The following PGAP4 variants were observed in gnomAD, a reference collection of about 807,000 sequenced individuals.
PGAP4 encodes GPI-N-acetylgalactosamine transferase PGAP4.
A neutral mutation model predicts 28.2 loss-of-function variants in PGAP4; 12 were observed. The ratio of observed to expected loss-of-function variants is 0.42; its 90% CI spans 0.27 to 0.69. The LOEUF (loss-of-function observed/expected upper bound fraction) is 0.69. PGAP4 is among the 30% of genes least tolerant of loss of function. The pLI is 0.22. For missense variants in PGAP4, 425 were observed against 513.5 expected (o/e 0.83, Z 1.67); for synonymous variants, 205 against 211.8 (o/e 0.97, Z 0.28).
At position 101,476,171 on chromosome 9, in the gene PGAP4, C is replaced by T; in HGVS notation, c.922G>A (p.Val308Met). 1.2e-6 allele frequency: 2 copies of T among 1,614,150 alleles called. No homozygotes were observed. The highest frequency in any genetic ancestry group is 1.7e-6 in the Non-Finnish European group (2 of 1,180,026). Residue 308 changes from valine (V) to methionine (M), a missense_variant, in exon 2 of 2, where the codon GTG becomes ATG. Val to Met is a conservative substitution (Grantham distance 21). Transcript: ENST00000374848. The surrounding 1 kb of genome is among the most constrained non-coding windows in gnomAD (Gnocchi z 7.0). Reference protein sequence around the residue: ...SLYSMGLVELVGRHYFLELRR... With the variant: ...SLYSMGLVELMGRHYFLELRR... ...AGTTCCAGGAAATAGTGCCGACCCACCAGCTCCACCAGACCCATGCTATAC... is the reference window on the plus strand; with the variant it reads ...AGTTCCAGGAAATAGTGCCGACCCATCAGCTCCACCAGACCCATGCTATAC...
intron 2 of PGAP4, among the ~76,000 whole-genome samples, chr9:101,520,746 A>G (rs1371924312): frequency 2.6e-5 from 4 of 152,164 alleles, no homozygotes; most frequent in Non-Finnish European, 5.9e-5. Flanking sequence ...TAGGACTTCC[A>G]GTACTATGTT....
At position 101,476,798 on chromosome 9, in the gene PGAP4, G is replaced by A. The variant is rs1015973436; in HGVS notation, c.295C>T (p.Arg99Trp). Residue 99 changes from arginine (R) to tryptophan (W), a missense_variant, in exon 2 of 2, where the codon CGG (arginine) becomes TGG (tryptophan). Coordinates refer to ENST00000374848, the MANE Select transcript of PGAP4 (RefSeq NM_032342.3). This position sits in a 1 kb window ranked among gnomAD's most constrained non-coding sequence, Gnocchi z 7.0. ...SVPIVWQATP[R>W]PWLVITIITV... ...ATGATGGTGATCACCAGCCAGGGCC[G>A]GGGGGTGGCCTGCCAGACAATGGGC... 43 of 1,610,250 alleles carry A rather than the reference G, an allele frequency of 2.7e-5. No homozygotes were observed. Among genetic ancestry groups the A allele is most frequent in the Non-Finnish European group, 3.1e-5 (37 of 1,177,836 alleles).
chr9:101,507,344 C>T (rs1416441481), intron 2 of PGAP4, among the ~76,000 whole-genome samples: 1 of 152,134 alleles, frequency 6.6e-6, no homozygotes, highest in African/African-American at 2.4e-5. Flanking sequence ...ATACTGTTCA[C>T]TATTTGGGAC....
chr9:101,481,985 A>G (rs1826502719), intron 1 of PGAP4, among the ~76,000 whole-genome samples: 1 of 152,122 alleles, frequency 6.6e-6, no homozygotes, highest in African/African-American at 2.4e-5. Context: ...CCTCCAAGCC[A>G]GCTGATTGCA....
At chr9:101,523,561 G>GTT (rs74477694) in intron 2 of PGAP4, among the ~76,000 whole-genome samples, 33,527 of 126,936 alleles carry the variant, frequency 0.26, 4,384 homozygotes, top group African/African-American at 0.35. Flanking sequence ...ATTTTTCATT[G>GTT]TTTTTTTTTC....
At chr9:101,491,182 G>A (rs764759037), upstream of PGAP4, among the ~76,000 whole-genome samples, 2 of 152,104 alleles carry the variant, frequency 1.3e-5, no homozygotes, top group Non-Finnish European at 2.9e-5. Context: ...GCAATGGTAC[G>A]CTTATTCTGT....
chr9:101,513,852 A>G (rs1310733734), intron 2 of PGAP4, among the ~76,000 whole-genome samples: 1 of 152,060 alleles, frequency 6.6e-6, no homozygotes, highest in Non-Finnish European at 1.5e-5. Context: ...AAACCCATAG[A>G]GTAATTCTCA....
At chr9:101,508,552 T>C (rs1302680519) in intron 2 of PGAP4, among the ~76,000 whole-genome samples, 1 of 152,108 alleles carries the variant, frequency 6.6e-6, no homozygotes, top group Non-Finnish European at 1.5e-5. Flanking sequence ...TACTCCACCC[T>C]GTGAGGTCTG....
At chr9:101,492,066 C>A (rs554925337), upstream of PGAP4, among the ~76,000 whole-genome samples, 1 of 151,896 alleles carries the variant, frequency 6.6e-6, no homozygotes, top group African/African-American at 2.4e-5. Context: ...GTCTGTTAAA[C>A]ACATAATTGT....
chr9:101,481,802 C>T (rs1477694649), intron 1 of PGAP4, among the ~76,000 whole-genome samples: 2 of 152,194 alleles, frequency 1.3e-5, no homozygotes, highest in Non-Finnish European at 2.9e-5. Flanking sequence ...ATGAATGGCA[C>T]GACCACTTTC....
chr9:101,493,904 T>C (rs527620728), intron 2 of PGAP4, among the ~76,000 whole-genome samples: 1 of 152,210 alleles, frequency 6.6e-6, no homozygotes, highest in East Asian at 1.9e-4. Context: ...TAGGATCTAG[T>C]TCGGTCTATA....
intron 2 of PGAP4, among the ~76,000 whole-genome samples, chr9:101,492,180 A>G (rs2118574536): frequency 6.6e-6 from 1 of 152,170 alleles, no homozygotes; most frequent in African/African-American, 2.4e-5. Flanking sequence ...TCATTATGAA[A>G]TAACTGTTTC....
intron 2 of PGAP4, among the ~76,000 whole-genome samples, chr9:101,523,833 T>C (rs1350727441): frequency 6.6e-6 from 1 of 151,782 alleles, no homozygotes; most frequent in South Asian, 2.1e-4. Flanking sequence ...TTACCAGGGT[T>C]GGTTTTCTGG....
rs1826608221 is a variant in PGAP4, at chr9:101,486,083, C to T, written c.-78+866G>A. Among the ~76,000 whole-genome samples the T allele has an allele frequency of 6.6e-6, 1 of 152,204 alleles. No homozygotes were observed. The highest frequency in any genetic ancestry group is 1.5e-5 in the Non-Finnish European group (1 of 68,044). ...AGCAGAGGATGCGGGTCACAACGAC[C>T]CTGCAGGAGCTCACGCCCCAAGACA... On this transcript the variant is annotated intron_variant, in intron 1 of 1. Coordinates refer to ENST00000374848, the MANE Select transcript of PGAP4 (RefSeq NM_032342.3). The surrounding 1 kb of genome is among the most constrained non-coding windows in gnomAD (Gnocchi z 4.7).
chr9:101,519,155 G>T (rs72743402), intron 2 of PGAP4, among the ~76,000 whole-genome samples: 238 of 108,806 alleles, frequency 2.2e-3, no homozygotes, highest in African/African-American at 4.1e-3. Flanking sequence ...ACTTTTGTTT[G>T]GTTTTGTTTT....
At chr9:101,526,635 GATGGGGTTTCACC>G (rs1476668362) in intron 2 of PGAP4, among the ~76,000 whole-genome samples, 1 of 152,082 alleles carries the variant, frequency 6.6e-6, no homozygotes, top group Non-Finnish European at 1.5e-5. Context: ...ATTTAGTAGA[GATGGGGTTTCACC>G]ATGTTGGCCA....
chr9:101,491,811 G>GTATATATA (rs1588203354), upstream of PGAP4, among the ~76,000 whole-genome samples: 2 of 53,010 alleles, frequency 3.8e-5, no homozygotes, highest in Non-Finnish European at 3.6e-5. Context: ...AAATCTTAAA[G>GTATATATA]GATATATATA....
At chr9:101,480,358 T>C (rs577972019) in intron 1 of PGAP4, among the ~76,000 whole-genome samples, 1 of 131,764 alleles carries the variant, frequency 7.6e-6, no homozygotes, top group East Asian at 2.5e-4. Context: ...TTTTTTGTTG[T>C]TGTTGTTGTT....
At chr9:101,516,621 T>A (rs1300405846) in intron 2 of PGAP4, among the ~76,000 whole-genome samples, 1 of 152,210 alleles carries the variant, frequency 6.6e-6, no homozygotes, top group Non-Finnish European at 1.5e-5. Flanking sequence ...TTTATCTTAT[T>A]TTTTGTATTT....
Sources: allele counts gnomAD v4.1 joint callset (sites outside exome capture counted in the v4.1 genomes callset), GRCh38; gene constraint gnomAD v4.1.1; non-coding constraint Gnocchi (gnomAD v3.1); transcripts MANE v1.5; gene names NCBI Gene and HGNC (gene_info 2026-07-23, HGNC 2026-07-21).